Variants in KDM6A observed in about 807,000 individuals in gnomAD.
The protein encoded by KDM6A is lysine-specific demethylase 6A.
KDM6A carries 11 observed loss-of-function variants against 117.6 expected under a neutral mutation model. That is an observed-to-expected ratio of 0.09 (90% CI 0.06 to 0.15). The LOEUF (loss-of-function observed/expected upper bound fraction) is 0.15. Among genes scored for constraint, KDM6A ranks in the 10% least tolerant of loss-of-function variants. KDM6A has a pLI of 1.00. For missense variants in KDM6A, 799 were observed against 1,077.3 expected, an observed-to-expected ratio of 0.74 and a Z score of 3.62; for synonymous variants, 384 against 396.1, an observed-to-expected ratio of 0.97 and a Z score of 0.36.
intron 2 of KDM6A, among the ~76,000 whole-genome samples, chrX:44,941,401 C>T (rs970624127): frequency 1.8e-4 from 20 of 110,939 alleles, no homozygotes; most frequent in African/African-American, 6.2e-4. Flanking sequence ...GGTACTTCTG[C>T]CCTTTTCTTA....
chrX:45,063,866 A>C (rs2148001486), intron 17 of KDM6A, 49 bp downstream of exon 17: 2 of 1,086,369 alleles, frequency 1.8e-6, no homozygotes, highest in Non-Finnish European at 2.5e-6. Flanking sequence ...AAATGTTTTT[A>C]CTGGGTTTTA....
chrX:45,059,608 G>A (rs1408395739), intron 12 of KDM6A, 142 bp downstream of exon 12: 4 of 485,493 alleles, frequency 8.2e-6, no homozygotes, highest in African/African-American at 4.8e-5. Context: ...ACCATAGCTT[G>A]TAATATTATT....
intron 27 of KDM6A, among the ~76,000 whole-genome samples, chrX:45,095,757 C>T (rs1185014240): frequency 8.9e-6 from 1 of 111,879 alleles, no homozygotes; most frequent in African/African-American, 3.3e-5. Context: ...GCTTTCTACC[C>T]TTGGTAAGCC....
At chrX:45,109,278 C>T (rs766527042) in intron 28 of KDM6A, among the ~76,000 whole-genome samples, 4 of 110,122 alleles carry the variant, frequency 3.6e-5, no homozygotes, top group East Asian at 5.7e-4. Context: ...GTAAAATCAG[C>T]GAGACACCTC....
chrX:44,889,295 G>A (rs2033151673), intron 2 of KDM6A, among the ~76,000 whole-genome samples: 1 of 112,286 alleles, frequency 8.9e-6, no homozygotes, highest in Non-Finnish European at 1.9e-5. Context: ...AATTGCAGGT[G>A]TGAGCTACCG....
At position 44,873,716 on chromosome X, in the gene KDM6A, C is replaced by CG; in HGVS notation, c.161+7dup. ...AGGCGCTCGGCGGACTGGACAGGTACGGGCCGCCGTCACTCGCCCGGTCGG... is the reference window on the plus strand; with the variant it reads ...AGGCGCTCGGCGGACTGGACAGGTACGGGGCCGCCGTCACTCGCCCGGTCGG... On this transcript the variant is annotated splice_donor_region_variant and intron_variant, in intron 1 of 29. Transcript: ENST00000611820. 1.7e-6 allele frequency: 2 copies of CG among 1,165,711 alleles called. No homozygotes were observed. The highest frequency in any genetic ancestry group is 2.3e-6 in the Non-Finnish European group (2 of 872,374).
intron 5 of KDM6A, among the ~76,000 whole-genome samples, chrX:45,018,434 T>TA (rs1441161471): frequency 2.7e-5 from 3 of 111,748 alleles, no homozygotes; most frequent in Admixed American, 1.9e-4. Flanking sequence ...ACAGTGTGTT[T>TA]TTTTAACCTC....
rs190827226 is a variant in KDM6A, at chrX:44,913,815, C to T, written c.225+39828C>T. The stretch of plus-strand genomic sequence containing the variant: ...AGCTGTCCTAGCTTGCTCCAGCATG[C>T]CTGGGCAGAACTAGACAAGTCCCAG... On this transcript the variant is annotated intron_variant, in intron 2 of 29. Transcript: ENST00000611820. Among the ~76,000 whole-genome samples the T allele has an allele frequency of 3.6e-5, 4 of 111,284 alleles. No individual in the cohort carries two copies. In the East Asian group the frequency reaches 1.1e-3, roughly 32 times the overall value.
At chrX:44,903,023 C>T (rs780072137) in intron 2 of KDM6A, among the ~76,000 whole-genome samples, 6 of 111,614 alleles carry the variant, frequency 5.4e-5, no homozygotes, top group East Asian at 2.8e-4. Flanking sequence ...ATCACATTGG[C>T]GATTAAGTTT....
intron 4 of KDM6A, among the ~76,000 whole-genome samples, chrX:44,977,002 A>G (rs2039646514): frequency 9.0e-6 from 1 of 111,254 alleles, no homozygotes; most frequent in Non-Finnish European, 1.9e-5. Flanking sequence ...TTAATTATCT[A>G]ATTTTTGAGT....
At chrX:45,029,247 C>T (rs1055717970) in intron 6 of KDM6A, among the ~76,000 whole-genome samples, 1 of 110,125 alleles carries the variant, frequency 9.1e-6, no homozygotes, top group African/African-American at 3.3e-5. Flanking sequence ...GTTGCTTGGC[C>T]AACATGATGA....
At chrX:45,050,068 G>A (rs746840780) in intron 8 of KDM6A, among the ~76,000 whole-genome samples, 24 of 113,046 alleles carry the variant, frequency 2.1e-4, no homozygotes, top group African/African-American at 5.5e-4. Context: ...CGCTGGACGC[G>A]GTGGCTCACG....
chrX:44,957,784 T>C (rs1430104475), intron 2 of KDM6A, among the ~76,000 whole-genome samples: 1 of 111,956 alleles, frequency 8.9e-6, no homozygotes, highest in Admixed American at 9.5e-5. Context: ...AGATATTTTA[T>C]TAGGCTTTTC....
At chrX:45,088,430 A>G (rs886404076) in intron 25 of KDM6A, among the ~76,000 whole-genome samples, 3 of 113,560 alleles carry the variant, frequency 2.6e-5, no homozygotes, top group Non-Finnish European at 5.6e-5. Flanking sequence ...CAACTGTGTC[A>G]TTATAGCACA....
At chrX:45,109,411 G>A (rs2046684620) in intron 28 of KDM6A, among the ~76,000 whole-genome samples, 1 of 111,457 alleles carries the variant, frequency 9.0e-6, no homozygotes, top group African/African-American at 3.3e-5. Context: ...TAGGATTGTA[G>A]TTAACTGTTA....
intron 2 of KDM6A, among the ~76,000 whole-genome samples, chrX:44,902,475 C>T (rs1201122696): frequency 4.6e-5 from 5 of 108,163 alleles, no homozygotes; most frequent in East Asian, 3.0e-4. Flanking sequence ...CTGCAACCTC[C>T]GCCTCCTGGG....
At chrX:45,006,167 C>G (rs1183215263) in intron 4 of KDM6A, among the ~76,000 whole-genome samples, 1 of 86,742 alleles carries the variant, frequency 1.2e-5, no homozygotes, top group Admixed American at 1.2e-4. Context: ...CCCTGCGCCC[C>G]CCCCCGCCGC....
intron 3 of KDM6A, among the ~76,000 whole-genome samples, chrX:44,972,133 A>G (rs2147248020): frequency 9.0e-6 from 1 of 111,545 alleles, no homozygotes; most frequent in South Asian, 3.8e-4. Flanking sequence ...AGTGAAGGGT[A>G]ACATGCAGTG....
intron 27 of KDM6A, among the ~76,000 whole-genome samples, chrX:45,098,862 A>G (rs1296323134): frequency 5.4e-5 from 6 of 111,948 alleles, no homozygotes; most frequent in Non-Finnish European, 3.8e-5. Flanking sequence ...CTAGGTTAAT[A>G]TATCTAGTCT....
Sources: gnomAD v4.1 joint callset for allele counts (sites outside exome capture counted in the v4.1 genomes callset) on GRCh38, gnomAD v4.1.1 for gene constraint, MANE v1.5 for transcripts, NCBI Gene and HGNC (gene_info 2026-07-23, HGNC 2026-07-21) for gene names.